The following FRG1 variants were observed in gnomAD, a reference collection of about 807,000 sequenced individuals.
The protein encoded by FRG1 is FSHD region gene 1.
A neutral mutation model predicts 37.0 loss-of-function variants in FRG1; 19 were observed. The observed-to-expected ratio is 0.51, with a 90% CI of 0.36 to 0.75. The LOEUF (loss-of-function observed/expected upper bound fraction) is 0.75. Among genes scored for constraint, FRG1 ranks in the 30% least tolerant of loss-of-function variants. The pLI, the probability that FRG1 is intolerant of heterozygous loss-of-function variation, is 0.00. For synonymous variants in FRG1, 73 were observed against 96.5 expected (o/e 0.76, Z 1.43); for missense variants, 243 against 301.4 (o/e 0.81, Z 1.44).
intron 5 of FRG1, 129 bp downstream of exon 5, chr4:189,955,280 A>C: frequency 1.7e-6 from 1 of 604,738 alleles, no homozygotes; most frequent in Non-Finnish European, 3.0e-6. Context: ...GGAATAAATC[A>C]ATAAGAACAT....
intron 1 of FRG1, 55 bp from the exon 2 acceptor site, chr4:189,943,147 A>G: frequency 1.8e-5 from 26 of 1,479,058 alleles, no homozygotes; most frequent in Non-Finnish European, 2.3e-5. Context: ...ATCTTACAAT[A>G]TTTATCGTAC....
intron 1 of FRG1, among the ~76,000 whole-genome samples, chr4:189,942,487 C>T (rs1234487915): frequency 6.6e-6 from 1 of 152,174 alleles, no homozygotes; most frequent in African/African-American, 2.4e-5. Context: ...CCTTTTGTAT[C>T]TGGCTCCTTT....
intron 2 of FRG1, 89 bp from the exon 3 acceptor site, chr4:189,952,073 A>T (rs1012760363): frequency 4.5e-6 from 4 of 898,670 alleles, no homozygotes; most frequent in African/African-American, 3.5e-5. Flanking sequence ...GCAAAATAAG[A>T]AGTTTTTAAA....
chr4:189,954,858 C>T (rs1332399099), intron 4 of FRG1, among the ~76,000 whole-genome samples, 179 bp from the exon 5 acceptor site: 2 of 152,090 alleles, frequency 1.3e-5, no homozygotes, highest in Non-Finnish European at 2.9e-5. Flanking sequence ...CTTCCCAAAG[C>T]ACAGAGATTA....
At chr4:189,949,214 G>A (rs1368305568) in intron 2 of FRG1, among the ~76,000 whole-genome samples, 1 of 152,188 alleles carries the variant, frequency 6.6e-6, no homozygotes, top group Non-Finnish European at 1.5e-5. Context: ...CAACTTCAGT[G>A]CCCGTGTTCA....
In FRG1 at chr4:189,952,247, C is replaced by T. The variant is rs1458039613; in HGVS notation, c.219C>T (p.Leu73=). 17 of 1,610,608 alleles carry T rather than the reference C, an allele frequency of 1.1e-5. No homozygotes were observed. Among genetic ancestry groups the T allele is most frequent in the Non-Finnish European group, 1.3e-5 (15 of 1,178,852 alleles). The change falls in exon 3 of 9, where the codon CTC becomes CTT. Residue 73 remains leucine, a synonymous_variant. Transcript: ENST00000226798. ...ATAAGGGAACCTATATACATGCACT[C>T]GACAATGGTCTTTTTACCCTGGGAG... ...EMDKGTYIHA[L]DNGLFTLGAP... is the part of the protein sequence containing the mutation.
At chr4:189,960,562 A>G (rs192750306) in intron 6 of FRG1, among the ~76,000 whole-genome samples, 186 bp from the exon 7 acceptor site, 1 of 152,218 alleles carries the variant, frequency 6.6e-6, no homozygotes, top group Non-Finnish European at 1.5e-5. Flanking sequence ...ATGTGATAGC[A>G]CTTACTCATA....
intron 7 of FRG1, 40 bp from the exon 8 acceptor site, chr4:189,961,782 G>C (rs575016515): frequency 6.0e-5 from 49 of 813,338 alleles, no homozygotes; most frequent in Admixed American, 4.5e-4. Context: ...TGTATAATCA[G>C]AGTTTGAGGT....
At chr4:189,951,503 A>C (rs949396525) in intron 2 of FRG1, among the ~76,000 whole-genome samples, 1 of 152,188 alleles carries the variant, frequency 6.6e-6, no homozygotes, top group Admixed American at 6.5e-5. Context: ...AAAAAAAAAA[A>C]AAAGATTGCT....
intron 2 of FRG1, among the ~76,000 whole-genome samples, chr4:189,944,088 A>T (rs1736426994): frequency 6.6e-6 from 1 of 152,234 alleles, no homozygotes; most frequent in Non-Finnish European, 1.5e-5. Context: ...TTAGTGCTCC[A>T]GTTACATCCT....
intron 2 of FRG1, among the ~76,000 whole-genome samples, chr4:189,944,524 G>A (rs1297400385): frequency 2.0e-5 from 3 of 151,854 alleles, no homozygotes; most frequent in African/African-American, 4.8e-5. Flanking sequence ...GTCTTTTAGA[G>A]GCATCATAGT....
At chr4:189,943,863 A>G (rs896274593) in intron 2 of FRG1, among the ~76,000 whole-genome samples, 2 of 152,222 alleles carry the variant, frequency 1.3e-5, no homozygotes, top group African/African-American at 2.4e-5. Context: ...GTAACTTAAT[A>G]TATAAAATAT....
chr4:189,943,396 C>T (rs1736402089), intron 2 of FRG1, 124 bp downstream of exon 2: 3 of 1,049,168 alleles, frequency 2.9e-6, no homozygotes, highest in Admixed American at 2.5e-5. Flanking sequence ...TTAAATATTA[C>T]CTACAGTTAT....
intron 2 of FRG1, among the ~76,000 whole-genome samples, chr4:189,948,798 C>T (rs79269391): frequency 6.6e-6 from 1 of 152,290 alleles, no homozygotes; most frequent in Admixed American, 6.5e-5. Flanking sequence ...TCAAGCAATC[C>T]TCTCACCTCC....
intron 2 of FRG1, among the ~76,000 whole-genome samples, chr4:189,944,576 T>C (rs1325439142): frequency 2.0e-5 from 3 of 152,052 alleles, no homozygotes; most frequent in Admixed American, 6.6e-5. Context: ...TCAAATTAAA[T>C]TTTGGCATGA....
chr4:189,941,123 C>T (rs762242303), intron 1 of FRG1, 52 bp downstream of exon 1: 2 of 1,507,488 alleles, frequency 1.3e-6, no homozygotes, highest in South Asian at 1.1e-5. Flanking sequence ...CGGACGCACT[C>T]CACCCCCGCA....
At chr4:189,948,649 G>T (rs1736626893) in intron 2 of FRG1, among the ~76,000 whole-genome samples, 2 of 152,120 alleles carry the variant, frequency 1.3e-5, no homozygotes, top group African/African-American at 4.8e-5. Flanking sequence ...GGGTGCCCTG[G>T]TACTATCTTA....
intron 4 of FRG1, among the ~76,000 whole-genome samples, chr4:189,953,564 A>G (rs76768520): frequency 6.6e-6 from 1 of 152,236 alleles, no homozygotes; most frequent in Admixed American, 6.5e-5. Flanking sequence ...TTATAAAGTA[A>G]CCTTTTTTAT....
At chr4:189,954,192 T>C (rs1736880429) in intron 4 of FRG1, among the ~76,000 whole-genome samples, 1 of 151,946 alleles carries the variant, frequency 6.6e-6, no homozygotes, top group South Asian at 2.1e-4. Context: ...AGTATTTTTT[T>C]AAAGTCATAA....
Sources: gnomAD v4.1 joint callset for allele counts (sites outside exome capture counted in the v4.1 genomes callset) on GRCh38, gnomAD v4.1.1 for gene constraint, MANE v1.5 for transcripts, NCBI Gene and HGNC (gene_info 2026-07-23, HGNC 2026-07-21) for gene names.